Variants in FCSK observed in about 807,000 individuals in gnomAD.
FCSK encodes L-fucose kinase.
FCSK carries 123 observed loss-of-function variants against 122.5 expected under a neutral mutation model. That is an observed-to-expected ratio of 1.00 (90% confidence interval 0.87 to 1.17). The LOEUF (loss-of-function observed/expected upper bound fraction) is 1.17. Among genes scored for constraint, FCSK ranks in the 50% most tolerant of loss-of-function variants. The probability of loss-of-function intolerance (pLI) is 0.00; values close to 1 mark genes in which losing one functional copy is unlikely to be tolerated. For synonymous variants in FCSK, 620 were observed against 625.5 expected (o/e 0.99, Z 0.13); for missense variants, 1,366 against 1,450.4 (o/e 0.94, Z 0.95).
rs1230991456 is a variant in FCSK at position 70,461,256 on chromosome 16, G to T, written c.-22-1913G>T. On this transcript the variant is annotated intron_variant, in intron 1 of 23. Coordinates refer to ENST00000288078, the MANE Select transcript of FCSK (RefSeq NM_145059.3). ...TGCTCAGGGCGCAGCTCAGCCAGTG[G>T]TGAGCAGCTTACTTGCATGGGCTTT... Among the ~76,000 whole-genome samples the T allele has an allele frequency of 2.0e-5, 3 of 152,216 alleles. No homozygotes were observed. The East Asian group carries it at 5.8e-4, about 29-fold the overall frequency.
chr16:70,454,772 C>T (rs2048036428), intron 1 of FCSK, 142 bp downstream of exon 1: 1 of 152,148 alleles, frequency 6.6e-6, no homozygotes, highest in African/African-American at 2.4e-5. Context: ...GGGAAGAGTC[C>T]CCGGGAGCTC....
chr16:70,475,773 T>A lies in FCSK; in HGVS notation c.2641+6T>A. 6.4e-7 allele frequency: 1 copy of A among 1,563,436 alleles called. No homozygotes were observed. Among genetic ancestry groups the A allele is most frequent in the South Asian group, 1.2e-5 (1 of 86,734 alleles). On this transcript the variant is annotated splice_donor_region_variant and intron_variant, in intron 20 of 23. Coordinates refer to ENST00000288078, the MANE Select transcript of FCSK (RefSeq NM_145059.3). The stretch of plus-strand genomic sequence containing the variant: ...GGAGCAGGTGCTCACCACTGGTATG[T>A]GACTGCCCTGGAGTTGGAGGAGGTC...
At chr16:70,477,889 G>A (rs907528951) in intron 20 of FCSK, 3 of 193,312 alleles carry the variant, frequency 1.6e-5, no homozygotes, top group Non-Finnish European at 3.2e-5. Flanking sequence ...CACCATGTTG[G>A]CCAGGTTGGT....
At chr16:70,469,360 C>T (rs1236229130) in intron 10 of FCSK, 37 bp downstream of exon 10, 1 of 1,540,076 alleles carries the variant, frequency 6.5e-7, no homozygotes, top group East Asian at 2.2e-5. Context: ...GGTGGGGAGA[C>T]CATGGGAGTG....
intron 1 of FCSK, 198 bp downstream of exon 1, chr16:70,454,828 A>G (rs1357747765): frequency 6.6e-6 from 1 of 152,106 alleles, no homozygotes; most frequent in African/African-American, 2.4e-5. Context: ...TCCCGCGTCC[A>G]TTTGGCCTGG....
intron 13 of FCSK, 71 bp downstream of exon 13, chr16:70,471,423 AC>A (rs1357091858): frequency 2.8e-6 from 4 of 1,445,388 alleles, no homozygotes; most frequent in South Asian, 1.4e-5. Flanking sequence ...CCTGGCCCCC[AC>A]CCCACTGCGG....
At chr16:70,468,431 C>T (rs565221722) in intron 8 of FCSK, among the ~76,000 whole-genome samples, 57 of 152,138 alleles carry the variant, frequency 3.7e-4, no homozygotes, top group African/African-American at 1.2e-3. Flanking sequence ...ATCCCCTGCC[C>T]GCTGTAAAAC....
At chr16:70,461,434 T>G (rs2048259999) in intron 1 of FCSK, among the ~76,000 whole-genome samples, 1 of 151,452 alleles carries the variant, frequency 6.6e-6, no homozygotes, top group Non-Finnish European at 1.5e-5. Flanking sequence ...TGGTTTTCCA[T>G]CTGGCAGGAG....
rs1228062653 is a variant in FCSK at position 70,470,307 on chromosome 16, T to C, written c.956-7T>C. ...TGGGGTTGGGTTCAGTACTTATGTC[T>C]TTACAGCCTATGTCTCCAGCGGCAG... On this transcript the variant is annotated splice_polypyrimidine_tract_variant and splice_region_variant and intron_variant, in intron 10 of 23. Coordinates refer to ENST00000288078, the MANE Select transcript of FCSK (RefSeq NM_145059.3). The C allele has an allele frequency of 6.2e-7, 1 of 1,606,986 alleles. No individual in the cohort carries two copies. Among genetic ancestry groups the C allele is most frequent in the Admixed American group, 1.7e-5 (1 of 59,876 alleles).
intron 1 of FCSK, 105 bp from the exon 2 acceptor site, chr16:70,463,060 CAACA>C: frequency 1.6e-6 from 1 of 633,190 alleles, no homozygotes; most frequent in East Asian, 3.0e-5. Context: ...ATGGTGATAC[CAACA>C]CGAATCTATA....
chr16:70,463,861 C>T (rs969623053), intron 3 of FCSK, 87 bp downstream of exon 3: 5 of 1,394,776 alleles, frequency 3.6e-6, no homozygotes, highest in South Asian at 2.7e-5. Context: ...CTGGCTCCAT[C>T]GCCTTGGCCA....
At chr16:70,463,914 A>ACTCAT in intron 3 of FCSK, 140 bp downstream of exon 3, 1 of 923,016 alleles carries the variant, frequency 1.1e-6, no homozygotes, top group Non-Finnish European at 1.6e-6. Context: ...AATTGGGCGG[A>ACTCAT]CTCATCTCTG....
rs17883840 is a variant in FCSK at position 70,467,487 on chromosome 16, A to G, written c.582+16A>G. 8.2e-3 allele frequency: 12,806 copies of G among 1,565,688 alleles called. 891 individuals carry two copies. In the African/African-American group the frequency reaches 0.15, roughly 18 times the overall value. On this transcript the variant is annotated intron_variant, in intron 7 of 23. Coordinates refer to ENST00000288078, the MANE Select transcript of FCSK (RefSeq NM_145059.3). ...TGACCCCCAGGTAGTGCCCCTGGGG[A>G]CAGTGGAGCCGGCTGGGGCAGCCTT...
At chr16:70,478,818 C>A (rs1268029441) in intron 22 of FCSK, 168 bp downstream of exon 22, 1 of 722,512 alleles carries the variant, frequency 1.4e-6, no homozygotes, top group East Asian at 2.7e-5. Flanking sequence ...TAGGGGAGAG[C>A]TACATCTGAG....
At chr16:70,469,021 G>A (rs1334065695) in intron 9 of FCSK, 53 bp downstream of exon 9, 7 of 1,608,474 alleles carry the variant, frequency 4.4e-6, no homozygotes, top group Non-Finnish European at 5.9e-6. Flanking sequence ...GAGGCACTGT[G>A]TGACCTCAGG....
chr16:70,460,242 G>A (rs571857353), intron 1 of FCSK, among the ~76,000 whole-genome samples: 42 of 151,428 alleles, frequency 2.8e-4, no homozygotes, highest in Non-Finnish European at 5.3e-4. Context: ...CTCCCGAGTA[G>A]CTGGGACTAC....
At position 70,479,205 on chromosome 16, in the gene FCSK, C is replaced by T. The variant is rs375869506; in HGVS notation, c.2955C>T (p.Cys985=). Residue 985 remains cysteine (C), a synonymous_variant, in exon 23 of 24, where the codon TGC becomes TGT. Transcript: ENST00000288078. ...RQGSLPLLGQ[C]LTSYWEQKKL... is the part of the protein sequence containing the mutation. Reference sequence around the variant, plus strand: ...GAAGCCTGCCTCTGCTGGGCCAGTGCCTGACCTCGTACTGGGAGCAGAAGA... The same window carrying T: ...GAAGCCTGCCTCTGCTGGGCCAGTGTCTGACCTCGTACTGGGAGCAGAAGA... The T allele has an allele frequency of 6.2e-7, 1 of 1,613,584 alleles. No homozygotes were observed. Among genetic ancestry groups the T allele is most frequent in the Non-Finnish European group, 8.5e-7 (1 of 1,180,030 alleles).
chr16:70,465,243 C>T, intron 4 of FCSK, 67 bp downstream of exon 4: 1 of 1,464,844 alleles, frequency 6.8e-7, no homozygotes, highest in South Asian at 1.2e-5. Flanking sequence ...TTGAGCAGGA[C>T]TTCAGGGGTG....
At chr16:70,462,642 T>C (rs1244270716) in intron 1 of FCSK, among the ~76,000 whole-genome samples, 1 of 151,138 alleles carries the variant, frequency 6.6e-6, no homozygotes, top group Non-Finnish European at 1.5e-5. Flanking sequence ...ACATTTTTTC[T>C]TTTATTTATT....
Sources: allele counts gnomAD v4.1 joint callset (sites outside exome capture counted in the v4.1 genomes callset), GRCh38; gene constraint gnomAD v4.1.1; transcripts MANE v1.5; gene names NCBI Gene and HGNC (gene_info 2026-07-23, HGNC 2026-07-21).